The following PPP1R16B variants were observed in gnomAD, a reference collection of about 807,000 sequenced individuals.
PPP1R16B encodes the protein protein phosphatase 1 regulatory subunit 16B, also known as protein phosphatase 1 regulatory inhibitor subunit 16B.
Under a neutral mutation model 61.7 loss-of-function variants are expected in PPP1R16B, and 14 were observed. The ratio of observed to expected loss-of-function variants is 0.23; its 90% confidence interval spans 0.15 to 0.35. PPP1R16B has a LOEUF of 0.35. PPP1R16B is among the 10% of genes least tolerant of loss of function. The pLI is 1.00. For missense variants in PPP1R16B, 547 were observed against 752.5 expected (o/e 0.73, Z 3.19); for synonymous variants, 266 against 305.3 (o/e 0.87, Z 1.34).
intron 2 of PPP1R16B, among the ~76,000 whole-genome samples, chr20:38,857,889 G>A (rs1329069932): frequency 2.0e-5 from 3 of 151,916 alleles, no homozygotes; most frequent in Non-Finnish European, 2.9e-5. Context: ...TGGGCACTAG[G>A]ACACTATCTT....
At chr20:38,837,228 C>G (rs763066356) in intron 2 of PPP1R16B, among the ~76,000 whole-genome samples, 1 of 152,236 alleles carries the variant, frequency 6.6e-6, no homozygotes, top group African/African-American at 2.4e-5. Context: ...ACTCTCTATA[C>G]TTCGTTTACA....
Position 38,921,242 on chromosome 20 carries a change from T to C in PPP1R16B, c.*2576T>C, listed in dbSNP as rs2085595053. On this transcript the variant is annotated 3_prime_UTR_variant, in exon 11 of 11. Transcript: ENST00000299824. ...TTAAGTCCCTGGGGAGCTTTCCCTG[T>C]AGGTCTCCTGGGTGTTGAGAGACAA... 1 of 152,238 alleles carries C rather than the reference T, an allele frequency of 6.6e-6. No individual in the cohort carries two copies. The highest frequency in any genetic ancestry group is 2.1e-4 in the South Asian group (1 of 4,836). The allele number at this position is 152,238 out of a possible 1,614,324, so 9.4% of individuals were successfully genotyped here. A position where few individuals can be genotyped will look rare whatever the true frequency, so the allele number is the denominator to read the frequency against.
intron 2 of PPP1R16B, among the ~76,000 whole-genome samples, chr20:38,860,394 G>C (rs1391078990): frequency 2.0e-5 from 3 of 152,266 alleles, no homozygotes; most frequent in African/African-American, 7.2e-5. Context: ...GAGCCACTGT[G>C]CCTGGCCTTT....
chr20:38,906,236 G>T, intron 7 of PPP1R16B, 142 bp downstream of exon 7: 2 of 619,306 alleles, frequency 3.2e-6, no homozygotes, highest in Non-Finnish European at 4.6e-6. Context: ...TGTGGGATAT[G>T]AAAAGGCCTA....
At chr20:38,863,709 C>T (rs1568666000) in intron 2 of PPP1R16B, among the ~76,000 whole-genome samples, 1 of 152,230 alleles carries the variant, frequency 6.6e-6, no homozygotes, top group Non-Finnish European at 1.5e-5. Context: ...CATCCTAGAA[C>T]AGTGACTGGT....
At position 38,918,621 on chromosome 20, in the gene PPP1R16B, A is replaced by G. The variant is rs1355932398; in HGVS notation, c.1659A>G (p.Ile553Met). 3.3e-6 allele frequency: 5 copies of G among 1,521,492 alleles called. No homozygotes were observed. The highest frequency in any genetic ancestry group is 1.4e-5 in the African/African-American group (1 of 71,910). 94.2% of individuals were successfully genotyped at this position (1,521,492 alleles called of 1,614,324 possible). A position where few individuals can be genotyped will look rare whatever the true frequency, so the allele number is the denominator to read the frequency against. Residue 553 changes from isoleucine (I) to methionine (M), a missense_variant, in exon 11 of 11, where the codon ATA becomes ATG. Ile to Met is a conservative substitution (Grantham distance 10). Transcript: ENST00000299824. The surrounding 1 kb of genome is among the most constrained non-coding windows in gnomAD (Gnocchi z 5.3). ...CACTCTTAAAGTTCAAGGCCCCCAT[A>G]GAGGAGATGGAGGAGAAGGTGCATG... ...DPPLLKFKAP[I>M]EEMEEKVHGC...
intron 1 of PPP1R16B, among the ~76,000 whole-genome samples, chr20:38,819,005 G>C (rs1378906953): frequency 1.3e-5 from 2 of 151,968 alleles, no homozygotes; most frequent in African/African-American, 4.8e-5. Flanking sequence ...CAAACTCCTG[G>C]GCTCAAGCCA....
intron 5 of PPP1R16B, among the ~76,000 whole-genome samples, chr20:38,900,967 T>A (rs1428039610): frequency 6.6e-6 from 1 of 152,242 alleles, no homozygotes; most frequent in Admixed American, 6.5e-5. Flanking sequence ...CTTCATCAGC[T>A]GTGACAATTT....
chr20:38,875,066 C>T (rs2085156676), intron 2 of PPP1R16B, among the ~76,000 whole-genome samples: 1 of 152,194 alleles, frequency 6.6e-6, no homozygotes. Flanking sequence ...TCTGGCTGAG[C>T]TGTGAGGATA....
intron 3 of PPP1R16B, 91 bp downstream of exon 3, chr20:38,889,756 A>T: frequency 7.6e-7 from 1 of 1,315,216 alleles, no homozygotes; most frequent in African/African-American, 1.5e-5. Flanking sequence ...CAGAACCCTC[A>T]GGGAGGAGGG....
intron 2 of PPP1R16B, among the ~76,000 whole-genome samples, chr20:38,864,176 A>G (rs2145739266): frequency 6.6e-6 from 1 of 152,324 alleles, no homozygotes; most frequent in African/African-American, 2.4e-5. Context: ...GGAGTTACCT[A>G]TGGCTCGGGG....
In PPP1R16B at chr20:38,806,256, G is replaced by A. The variant is rs556087256; in HGVS notation, c.-102+464G>A. On this transcript the variant is annotated intron_variant, in intron 1 of 10. Coordinates refer to ENST00000299824, the MANE Select transcript of PPP1R16B (RefSeq NM_015568.4). The surrounding 1 kb of genome is among the most constrained non-coding windows in gnomAD (Gnocchi z 4.5). ...CATGGTGGTGCCGCCCCCTCGCGTG[G>A]CGGGGCTTGGTCCTGGCGGGCAGCG... 6.6e-6 allele frequency among the ~76,000 whole-genome samples: 1 copy of A among 152,180 alleles called. No homozygotes were observed. Among genetic ancestry groups the A allele is most frequent in the South Asian group, 2.1e-4 (1 of 4,832 alleles).
intron 10 of PPP1R16B, among the ~76,000 whole-genome samples, chr20:38,914,697 C>T (rs1568687343): frequency 1.3e-5 from 2 of 152,156 alleles, no homozygotes; most frequent in Non-Finnish European, 2.9e-5. Flanking sequence ...GGGTCTCATT[C>T]TGACAGGGTC....
chr20:38,873,748 T>TTTG (rs891468980), intron 2 of PPP1R16B, among the ~76,000 whole-genome samples: 11 of 150,612 alleles, frequency 7.3e-5, no homozygotes, highest in Non-Finnish European at 1.2e-4. Context: ...TTTTTGTTTT[T>TTTG]TTTTTTTTGA....
At chr20:38,831,740 C>T (rs2084838725) in intron 1 of PPP1R16B, among the ~76,000 whole-genome samples, 1 of 152,242 alleles carries the variant, frequency 6.6e-6, no homozygotes, top group African/African-American at 2.4e-5. Context: ...GATATAAAAT[C>T]TCCAAGTTGT....
intron 10 of PPP1R16B, among the ~76,000 whole-genome samples, chr20:38,916,157 G>A (rs1172878655): frequency 6.6e-6 from 1 of 151,340 alleles, no homozygotes; most frequent in Non-Finnish European, 1.5e-5. Context: ...TTTGAGACCA[G>A]GAGTTCAAGA....
At chr20:38,842,830 TAA>T (rs11337581) in intron 2 of PPP1R16B, among the ~76,000 whole-genome samples, 70 of 147,756 alleles carry the variant, frequency 4.7e-4, no homozygotes, top group Admixed American at 6.7e-4. Context: ...TTCTAATTAT[TAA>T]AAAAAAAAAA....
At chr20:38,875,627 G>A (rs1281762338) in intron 2 of PPP1R16B, among the ~76,000 whole-genome samples, 1 of 152,150 alleles carries the variant, frequency 6.6e-6, no homozygotes, top group African/African-American at 2.4e-5. Flanking sequence ...CAGGAAGCAG[G>A]GTCTGGATAA....
At chr20:38,837,527 ATTTTTTTCTTTTT>A (rs1467945082) in intron 2 of PPP1R16B, among the ~76,000 whole-genome samples, 97 of 148,634 alleles carry the variant, frequency 6.5e-4, no homozygotes, top group Middle Eastern at 3.5e-3. Flanking sequence ...ATGTTTCCAG[ATTTTTTTCTTTTT>A]TTTTTTTCTT....
Sources: allele counts gnomAD v4.1 joint callset (sites outside exome capture counted in the v4.1 genomes callset), GRCh38; gene constraint gnomAD v4.1.1; non-coding constraint Gnocchi (gnomAD v3.1); transcripts MANE v1.5; gene names NCBI Gene and HGNC (gene_info 2026-07-23, HGNC 2026-07-21).